LAMA3: variants seen among roughly 807,000 people sequenced by gnomAD.
LAMA3 encodes laminin subunit alpha-3.
In LAMA3, 281 loss-of-function variants were observed where a neutral mutation model predicts 402.0. The observed-to-expected ratio is 0.70, with a 90% CI of 0.63 to 0.77. The LOEUF (loss-of-function observed/expected upper bound fraction) is 0.77, where lower values mean the gene tolerates loss of function less well. Among genes scored for constraint, LAMA3 ranks in the 30% least tolerant of loss-of-function variants. The pLI, the probability that LAMA3 is intolerant of heterozygous loss-of-function variation, is 0.00. For synonymous variants in LAMA3, 1,431 were observed against 1,558.4 expected, an observed-to-expected ratio of 0.92 and a Z score of 1.93; for missense variants, 3,840 against 4,215.5, an observed-to-expected ratio of 0.91 and a Z score of 2.47.
At chr18:23,694,695 C>T (rs2060652250) in intron 1 of LAMA3, among the ~76,000 whole-genome samples, 1 of 152,192 alleles carries the variant, frequency 6.6e-6, no homozygotes, top group Non-Finnish European at 1.5e-5. Context: ...CACAGACATG[C>T]TAACTACTCC....
chr18:23,770,379 A>AT (rs1285059682), intron 8 of LAMA3, among the ~76,000 whole-genome samples: 2 of 137,482 alleles, frequency 1.5e-5, no homozygotes, highest in Non-Finnish European at 3.0e-5. Context: ...CAGCTCAGTT[A>AT]TAAAAAAAAA....
chr18:23,843,584 C>T (rs2063751832), intron 29 of LAMA3, among the ~76,000 whole-genome samples: 1 of 152,170 alleles, frequency 6.6e-6, no homozygotes, highest in Non-Finnish European at 1.5e-5. Flanking sequence ...TCCTGTTCCA[C>T]CTCCTTCCAG....
intron 1 of LAMA3, among the ~76,000 whole-genome samples, chr18:23,698,191 C>CTCT (rs1232779575): frequency 1.0e-4 from 15 of 147,174 alleles, no homozygotes; most frequent in Non-Finnish European, 1.6e-4. Context: ...CAGCCTGTTT[C>CTCT]TCTTCTTCTT....
intron 12 of LAMA3, among the ~76,000 whole-genome samples, chr18:23,794,644 C>T (rs2062727306): frequency 6.6e-6 from 1 of 152,156 alleles, no homozygotes; most frequent in African/African-American, 2.4e-5. Context: ...ACAAACCCTG[C>T]AACTCCTAGA....
chr18:23,703,630 T>G (rs2060830845), intron 1 of LAMA3, among the ~76,000 whole-genome samples: 1 of 151,998 alleles, frequency 6.6e-6, no homozygotes, highest in Non-Finnish European at 1.5e-5. Flanking sequence ...ACCCTAGAAC[T>G]TAAAGTATAA....
intron 21 of LAMA3, among the ~76,000 whole-genome samples, chr18:23,825,274 C>G (rs542472326): frequency 3.3e-5 from 5 of 152,202 alleles, no homozygotes; most frequent in Non-Finnish European, 7.3e-5. Context: ...GAAACCTGTT[C>G]TCTGAGACAG....
At chr18:23,885,633 T>C (rs149167123) in intron 41 of LAMA3, among the ~76,000 whole-genome samples, 3 of 152,132 alleles carry the variant, frequency 2.0e-5, no homozygotes, top group Non-Finnish European at 2.9e-5. Flanking sequence ...AAGATACTTA[T>C]AACCTAGCTG....
At chr18:23,757,093 C>T (rs2061862450) in intron 6 of LAMA3, among the ~76,000 whole-genome samples, 1 of 151,996 alleles carries the variant, frequency 6.6e-6, no homozygotes, top group African/African-American at 2.4e-5. Context: ...GCGCGTGCTT[C>T]CCCGCAAACC....
At chr18:23,906,384 G>T (rs1255716089) in intron 52 of LAMA3, among the ~76,000 whole-genome samples, 2 of 152,096 alleles carry the variant, frequency 1.3e-5, no homozygotes, top group Non-Finnish European at 1.5e-5. Flanking sequence ...TGAAGCATGA[G>T]AATTTTTTAA....
intron 55 of LAMA3, among the ~76,000 whole-genome samples, chr18:23,910,348 G>A (rs1169314829): frequency 6.6e-6 from 1 of 152,174 alleles, no homozygotes; most frequent in Admixed American, 6.5e-5. Flanking sequence ...TCATGAGATT[G>A]TTAGGGTTAA....
intron 54 of LAMA3, among the ~76,000 whole-genome samples, chr18:23,908,729 T>C (rs1002991438): frequency 6.6e-6 from 1 of 152,026 alleles, no homozygotes; most frequent in Non-Finnish European, 1.5e-5. Context: ...AACCCACAGA[T>C]AGTACCAAAC....
rs1216644327 is a variant in LAMA3, at chr18:23,901,342, G to A, written c.6201+19G>A. 2 of 1,603,494 alleles carry A rather than the reference G, an allele frequency of 1.2e-6. No homozygotes were observed. The highest frequency in any genetic ancestry group is 2.7e-5 in the African/African-American group (2 of 74,686). Reference sequence around the variant, plus strand: ...CATTCAGGTGAGTTCACAGTTTGAAGTTGCACACTTTCGTTAATAAGGATG... The same window carrying A: ...CATTCAGGTGAGTTCACAGTTTGAAATTGCACACTTTCGTTAATAAGGATG... On this transcript the variant is annotated intron_variant, in intron 48 of 74. Transcript: ENST00000313654.
chr18:23,777,515 C>G (rs774434128), intron 10 of LAMA3, 42 bp from the exon 11 acceptor site: 7 of 1,325,060 alleles, frequency 5.3e-6, no homozygotes, highest in Non-Finnish European at 7.6e-6. Flanking sequence ...TTTACTATCT[C>G]CTTAATCATC....
intron 67 of LAMA3, among the ~76,000 whole-genome samples, chr18:23,935,937 G>A (rs1484502589): frequency 6.6e-6 from 1 of 151,852 alleles, no homozygotes; most frequent in Non-Finnish European, 1.5e-5. Context: ...AGTGAATATT[G>A]TTGCTGCCCA....
chr18:23,749,442 T>C lies in LAMA3; in HGVS notation c.580T>C (p.Cys194Arg). Residue 194 changes from cysteine (C) to arginine (R), a missense_variant, in exon 4 of 75, where the codon TGT (cysteine) becomes CGT (arginine). Physicochemically the swap from Cys to Arg is radical, Grantham distance 180 (BLOSUM62 -3). Around this residue, in one of 3 missense-constraint regions of LAMA3, gnomAD observed 2,109 missense variants for 2,376.0 expected, o/e 0.89. Coordinates refer to ENST00000313654, the MANE Select transcript of LAMA3 (RefSeq NM_198129.4). ...WQYFAHSKVD[C>R]LKEFGREANM... ...TTTCCTTCTAGATTCTAAAGTAGAC[T>C]GTTTAAAAGAATTTGGGCGGGAGGC... The C allele has an allele frequency of 1.3e-6, 2 of 1,584,312 alleles. No individual in the cohort carries two copies. The highest frequency in any genetic ancestry group is 1.7e-6 in the Non-Finnish European group (2 of 1,153,566).
intron 38 of LAMA3, chr18:23,873,365 C>T (rs751306404): frequency 1.9e-5 from 15 of 789,062 alleles, no homozygotes; most frequent in Admixed American, 7.2e-5. Flanking sequence ...GTGTTTATTA[C>T]AGTGCCTGAC....
chr18:23,943,286 T>G (rs532241276), intron 68 of LAMA3, among the ~76,000 whole-genome samples: 118 of 152,316 alleles, frequency 7.7e-4, no homozygotes, highest in Non-Finnish European at 1.3e-3. Flanking sequence ...TGTCAGGGGC[T>G]GTGGGAAGCG....
At chr18:23,932,458 A>C (rs1471059652) in intron 66 of LAMA3, 167 bp downstream of exon 66, 1 of 713,358 alleles carries the variant, frequency 1.4e-6, no homozygotes, top group Non-Finnish European at 2.3e-6. Flanking sequence ...CCATTAAAAA[A>C]CCCATAAAAA....
At chr18:23,796,007 C>G in intron 12 of LAMA3, 1 of 391,402 alleles carries the variant, frequency 2.6e-6, no homozygotes, top group Non-Finnish European at 5.0e-6. Context: ...CTCTCTCTCT[C>G]CCTCTACCAT....
Sources: gnomAD v4.1 joint callset for allele counts (sites outside exome capture counted in the v4.1 genomes callset) on GRCh38, gnomAD v4.1.1 for gene constraint, gnomAD v4.1.1 regional missense constraint, MANE v1.5 for transcripts, NCBI Gene and HGNC (gene_info 2026-07-23, HGNC 2026-07-21) for gene names.